Variants in PIAS1 observed in about 807,000 individuals in gnomAD.
PIAS1 encodes E3 SUMO-protein ligase PIAS1.
PIAS1 carries 6 observed loss-of-function variants against 71.3 expected under a neutral mutation model. That is an observed-to-expected ratio of 0.08 (90% CI 0.05 to 0.17). The LOEUF (loss-of-function observed/expected upper bound fraction) is 0.17. PIAS1 is among the 10% of genes least tolerant of loss of function. The pLI, the probability that PIAS1 is intolerant of heterozygous loss-of-function variation, is 1.00. For missense variants in PIAS1, 555 were observed against 793.6 expected, an observed-to-expected ratio of 0.70 and a Z score of 3.61; for synonymous variants, 303 against 292.9, an observed-to-expected ratio of 1.03 and a Z score of -0.35.
rs1406365199 is a variant in PIAS1 at position 68,110,783 on chromosome 15, G to A, written c.469+24033G>A. On this transcript the variant is annotated intron_variant, in intron 2 of 13. Transcript: ENST00000249636. ...TATTCTCAATAAATTCTATGTAGTT[G>A]CAGTTTAAAATCTAGTTTAGTAGAG... Among the ~76,000 whole-genome samples the A allele has an allele frequency of 3.3e-5, 5 of 152,198 alleles. No individual in the cohort carries two copies. In the South Asian group the frequency reaches 8.3e-4, roughly 25 times the overall value.
intron 2 of PIAS1, among the ~76,000 whole-genome samples, chr15:68,134,912 G>C (rs1161833588): frequency 2.0e-5 from 1 of 51,210 alleles, no homozygotes; most frequent in African/African-American, 4.0e-5. Context: ...CTCCCAGCAG[G>C]GGTGGCTGGG....
rs2093035658 is a variant in PIAS1 at position 68,178,835 on chromosome 15, A to G, written c.1481+2181A>G. On this transcript the variant is annotated intron_variant, in intron 11 of 13. Coordinates refer to ENST00000249636, the MANE Select transcript of PIAS1 (RefSeq NM_016166.3). This position sits in a 1 kb window ranked among gnomAD's most constrained non-coding sequence, Gnocchi z 4.2. Reference sequence around the variant, plus strand: ...AAAACATTTGAGTGTTTAGGAATCTAATATTTCTTCTTTGGATATTTACTT... The same window carrying G: ...AAAACATTTGAGTGTTTAGGAATCTGATATTTCTTCTTTGGATATTTACTT... Among the ~76,000 whole-genome samples the G allele has an allele frequency of 6.6e-6, 1 of 152,284 alleles. No homozygotes were observed. Among genetic ancestry groups the G allele is most frequent in the Non-Finnish European group, 1.5e-5 (1 of 68,006 alleles).
intron 2 of PIAS1, among the ~76,000 whole-genome samples, chr15:68,108,598 G>A (rs943936351): frequency 3.3e-5 from 5 of 152,048 alleles, no homozygotes; most frequent in African/African-American, 1.2e-4. Context: ...AGTTTCATCC[G>A]ACTGCCTGCT....
chr15:68,178,715 A>G lies in PIAS1; in HGVS notation c.1481+2061A>G, dbSNP rs1320918641. ...ACTTTTGGGCTAAATGCATCATAAT[A>G]TATATATTTGTTCTGTTCTTTAGAC... is the stretch of plus-strand genomic sequence containing the variant. On this transcript the variant is annotated intron_variant, in intron 11 of 13. Transcript: ENST00000249636. This position sits in a 1 kb window ranked among gnomAD's most constrained non-coding sequence, Gnocchi z 4.2. 6.6e-6 allele frequency among the ~76,000 whole-genome samples: 1 copy of G among 152,128 alleles called. No individual in the cohort carries two copies. The highest frequency in any genetic ancestry group is 3.2e-3 in the Middle Eastern group (1 of 316).
At chr15:68,144,941 A>G (rs2092797888) in intron 4 of PIAS1, among the ~76,000 whole-genome samples, 1 of 152,158 alleles carries the variant, frequency 6.6e-6, no homozygotes, top group South Asian at 2.1e-4. Context: ...TTGTTGGCAC[A>G]TGAGGAATAT....
At position 68,100,877 on chromosome 15, in the gene PIAS1, T is replaced by C. The variant is rs921700892; in HGVS notation, c.469+14127T>C. Among the ~76,000 whole-genome samples, 9 of 141,908 alleles carry C rather than the reference T, an allele frequency of 6.3e-5. No individual in the cohort carries two copies. The South Asian group carries it at 9.3e-4, about 15-fold the overall frequency. 93.1% of individuals were successfully genotyped at this position (141,908 alleles called of 152,430 possible). A position where few individuals can be genotyped will look rare whatever the true frequency, so the allele number is the denominator to read the frequency against. On this transcript the variant is annotated intron_variant, in intron 2 of 13. Coordinates refer to ENST00000249636, the MANE Select transcript of PIAS1 (RefSeq NM_016166.3). The stretch of plus-strand genomic sequence containing the variant: ...ATAGGAGTATAGTGATATCTCATTG[T>C]GTTTTGTTGTTGTTTTTGTTTTGTT...
chr15:68,117,827 T>C (rs1050848444), intron 2 of PIAS1, among the ~76,000 whole-genome samples: 3 of 152,240 alleles, frequency 2.0e-5, no homozygotes, highest in East Asian at 1.9e-4. Flanking sequence ...AGTTCAGATA[T>C]CTTTTTCACA....
At chr15:68,147,714 A>G (rs1567063669) in intron 6 of PIAS1, among the ~76,000 whole-genome samples, 1 of 152,140 alleles carries the variant, frequency 6.6e-6, no homozygotes, top group Non-Finnish European at 1.5e-5. Flanking sequence ...TTACCTTTAA[A>G]TATTTAGTTC....
intron 1 of PIAS1, among the ~76,000 whole-genome samples, chr15:68,073,965 TA>T: frequency 6.6e-6 from 1 of 152,224 alleles, no homozygotes; most frequent in East Asian, 1.9e-4. Flanking sequence ...CAGGACTTGG[TA>T]AATAGATTGG....
intron 1 of PIAS1, among the ~76,000 whole-genome samples, chr15:68,061,000 A>G (rs1340675828): frequency 6.6e-6 from 1 of 152,250 alleles, no homozygotes; most frequent in African/African-American, 2.4e-5. Context: ...GGTTTTAGAA[A>G]GATAACATAG....
chr15:68,098,330 AAG>A (rs1451055438), intron 2 of PIAS1, among the ~76,000 whole-genome samples: 1 of 152,194 alleles, frequency 6.6e-6, no homozygotes, highest in Non-Finnish European at 1.5e-5. Context: ...ATCATAAGGA[AAG>A]AAAATATATT....
intron 1 of PIAS1, among the ~76,000 whole-genome samples, chr15:68,084,871 TAGTG>T (rs1387627842): frequency 3.9e-5 from 6 of 152,138 alleles, no homozygotes; most frequent in African/African-American, 1.4e-4. Context: ...TTTGTAAAAA[TAGTG>T]AGAGTAAAGA....
chr15:68,104,819 T>G (rs909062108), intron 2 of PIAS1, among the ~76,000 whole-genome samples: 2 of 152,200 alleles, frequency 1.3e-5, no homozygotes, highest in Non-Finnish European at 2.9e-5. Context: ...ACAGCAATTA[T>G]GTAACAAAGT....
At chr15:68,160,466 G>A (rs967280618) in intron 7 of PIAS1, among the ~76,000 whole-genome samples, 1 of 152,106 alleles carries the variant, frequency 6.6e-6, no homozygotes, top group African/African-American at 2.4e-5. Flanking sequence ...CCATTGACCT[G>A]TATGTCTATC....
At chr15:68,095,478 C>T (rs907018905) in intron 2 of PIAS1, among the ~76,000 whole-genome samples, 1 of 149,978 alleles carries the variant, frequency 6.7e-6, no homozygotes, top group Non-Finnish European at 1.5e-5. Context: ...AAAAAAAAGA[C>T]GTTTTGTTGA....
intron 2 of PIAS1, among the ~76,000 whole-genome samples, chr15:68,141,200 TA>T (rs2092767347): frequency 6.6e-6 from 1 of 151,958 alleles, no homozygotes; most frequent in African/African-American, 2.4e-5. Flanking sequence ...CCCTGTCTCT[TA>T]AAAAAGCAAA....
intron 2 of PIAS1, among the ~76,000 whole-genome samples, chr15:68,110,484 T>C (rs1382592931): frequency 2.0e-5 from 3 of 152,066 alleles, no homozygotes; most frequent in African/African-American, 7.2e-5. Flanking sequence ...TAATCCCAGC[T>C]ACTCAGGAGG....
Position 68,061,025 on chromosome 15 carries a change from T to A in PIAS1, c.24+6675T>A, listed in dbSNP as rs549417205. Reference sequence around the variant, plus strand: ...AGATAACATAGGCAATGAAAGCATTTTTATTTTTAGAAAAAACCTTTATGA... The same window carrying A: ...AGATAACATAGGCAATGAAAGCATTATTATTTTTAGAAAAAACCTTTATGA... On this transcript the variant is annotated intron_variant, in intron 1 of 13. Coordinates refer to ENST00000249636, the MANE Select transcript of PIAS1 (RefSeq NM_016166.3). Among the ~76,000 whole-genome samples, 20 of 152,368 alleles carry A rather than the reference T, an allele frequency of 1.3e-4. No individual in the cohort carries two copies. In the East Asian group the frequency reaches 3.9e-3, roughly 29 times the overall value.
chr15:68,114,505 G>T (rs1156651317), intron 2 of PIAS1, among the ~76,000 whole-genome samples: 1 of 152,054 alleles, frequency 6.6e-6, no homozygotes, highest in African/African-American at 2.4e-5. Flanking sequence ...GACTAAGTCA[G>T]AGGGTTCATT....
Sources: allele counts gnomAD v4.1 joint callset (sites outside exome capture counted in the v4.1 genomes callset), GRCh38; gene constraint gnomAD v4.1.1; non-coding constraint Gnocchi (gnomAD v3.1); transcripts MANE v1.5; gene names NCBI Gene and HGNC (gene_info 2026-07-23, HGNC 2026-07-21).